CSMD1: variants seen among roughly 807,000 people sequenced by gnomAD.
The protein encoded by CSMD1 is CUB and sushi domain-containing protein 1.
Under a neutral mutation model 417.5 loss-of-function variants are expected in CSMD1, and 213 were observed. The observed-to-expected ratio is 0.51, with a 90% CI of 0.46 to 0.57. The LOEUF is 0.57. CSMD1 is among the 20% of genes least tolerant of loss of function. The pLI is 0.00. For synonymous variants in CSMD1, 2,862 were observed against 1,736.8 expected (o/e 1.65, Z -16.11); for missense variants, 6,923 against 4,529.7 (o/e 1.53, Z -15.17).
intron 5 of CSMD1, among the ~76,000 whole-genome samples, chr8:3,933,633 C>G (rs1417984497): frequency 6.6e-6 from 1 of 152,028 alleles, no homozygotes; most frequent in Non-Finnish European, 1.5e-5. Context: ...CTGTTAGTCT[C>G]TATATTGAAG....
chr8:4,193,318 C>T (rs1378107155), intron 3 of CSMD1, among the ~76,000 whole-genome samples: 3 of 152,004 alleles, frequency 2.0e-5, no homozygotes, highest in Non-Finnish European at 4.4e-5. Flanking sequence ...ACCTTGCTTT[C>T]AAAGAACGTC....
intron 25 of CSMD1, among the ~76,000 whole-genome samples, chr8:3,290,772 C>G (rs915931151): frequency 6.8e-6 from 1 of 147,726 alleles, no homozygotes; most frequent in Non-Finnish European, 1.5e-5. Context: ...CATCTGCCAA[C>G]AGGGACAATT....
chr8:4,357,979 A>G (rs963145142), intron 3 of CSMD1, among the ~76,000 whole-genome samples: 9 of 152,156 alleles, frequency 5.9e-5, no homozygotes, highest in Non-Finnish European at 1.2e-4. Flanking sequence ...TCAGTTTAAG[A>G]TGTATAATAA....
At chr8:3,829,428 T>C (rs568862194) in intron 5 of CSMD1, among the ~76,000 whole-genome samples, 4 of 152,240 alleles carry the variant, frequency 2.6e-5, no homozygotes, top group African/African-American at 9.6e-5. Context: ...GATAAGTCAA[T>C]ACCGGTTCCA....
At chr8:4,227,788 C>T (rs1801447995) in intron 3 of CSMD1, among the ~76,000 whole-genome samples, 2 of 150,726 alleles carry the variant, frequency 1.3e-5, no homozygotes, top group Admixed American at 1.3e-4. Flanking sequence ...AGGAGACACA[C>T]CCTCCATCCT....
chr8:3,910,437 T>C (rs1029351110), intron 5 of CSMD1, among the ~76,000 whole-genome samples: 3 of 152,160 alleles, frequency 2.0e-5, no homozygotes, highest in Non-Finnish European at 4.4e-5. Context: ...CTTCATAAAA[T>C]CACGAAATTT....
intron 40 of CSMD1, among the ~76,000 whole-genome samples, chr8:3,149,069 A>G (rs1477430236): frequency 6.6e-6 from 1 of 152,166 alleles, no homozygotes; most frequent in Non-Finnish European, 1.5e-5. Flanking sequence ...AAGATATTTC[A>G]TAAGTTATTT....
intron 12 of CSMD1, among the ~76,000 whole-genome samples, chr8:3,428,874 C>T (rs1435724314): frequency 6.6e-6 from 1 of 152,166 alleles, no homozygotes; most frequent in Non-Finnish European, 1.5e-5. Flanking sequence ...GAAAGAAATC[C>T]TGTCATTTGC....
chr8:3,837,089 C>T (rs1415610919), intron 5 of CSMD1, among the ~76,000 whole-genome samples: 3 of 151,004 alleles, frequency 2.0e-5, no homozygotes, highest in African/African-American at 7.3e-5. Flanking sequence ...AGGAAGAACG[C>T]TACCATTGAG....
chr8:2,975,997 A>T (rs2128935774), intron 55 of CSMD1, among the ~76,000 whole-genome samples: 1 of 152,304 alleles, frequency 6.6e-6, no homozygotes, highest in Middle Eastern at 3.4e-3. Context: ...AAACTAAACC[A>T]ATTTCTATGA....
Position 3,122,249 on chromosome 8 carries a change from A to C in CSMD1, c.6242-3662T>G, listed in dbSNP as rs369093019. On this transcript the variant is annotated intron_variant, in intron 41 of 69. Coordinates refer to ENST00000635120, the MANE Select transcript of CSMD1 (RefSeq NM_033225.6). The stretch of plus-strand genomic sequence containing the variant: ...TAAATGTATACAATTATAATTTGCC[A>C]ATTAAAAATGTTATTACTTTAAAAA... 3.2e-3 allele frequency among the ~76,000 whole-genome samples: 481 copies of C among 152,310 alleles called. 7 individuals carry two copies. Among genetic ancestry groups the C allele is most frequent in the South Asian group, 0.022 (104 of 4,824 alleles).
At chr8:4,229,530 C>T (rs1256602360) in intron 3 of CSMD1, among the ~76,000 whole-genome samples, 1 of 152,128 alleles carries the variant, frequency 6.6e-6, no homozygotes, top group East Asian at 1.9e-4. Flanking sequence ...CTTTTTTCCT[C>T]TTATTTCTCA....
At position 3,600,868 on chromosome 8, in the gene CSMD1, TAATTA is replaced by T. The variant is rs577052653; in HGVS notation, c.1098-14613_1098-14609del. On this transcript the variant is annotated intron_variant, in intron 8 of 69. Transcript: ENST00000635120. ...CAATATTGCAAACACAGTATTTTAT[TAATTA>T]AATAAATGATTTCAATACAATAAAA... 1.4e-3 allele frequency among the ~76,000 whole-genome samples: 220 copies of T among 152,324 alleles called. 1 individual carries two copies. The highest frequency in any genetic ancestry group is 5.0e-3 in the African/African-American group (206 of 41,564).
chr8:4,103,916 G>C (rs1265561119), intron 3 of CSMD1, among the ~76,000 whole-genome samples: 2 of 152,292 alleles, frequency 1.3e-5, no homozygotes, highest in Middle Eastern at 3.4e-3. Flanking sequence ...AGGCCAAACA[G>C]CTTTGTGCCT....
intron 11 of CSMD1, among the ~76,000 whole-genome samples, chr8:3,491,792 G>T (rs1406792465): frequency 6.6e-6 from 1 of 152,184 alleles, no homozygotes; most frequent in Non-Finnish European, 1.5e-5. Context: ...GATGCTACCC[G>T]GGGCAAGATT....
intron 10 of CSMD1, among the ~76,000 whole-genome samples, chr8:3,571,698 G>C (rs2116923789): frequency 6.6e-6 from 1 of 152,148 alleles, no homozygotes; most frequent in Admixed American, 6.5e-5. Context: ...CCCCATGCTT[G>C]AGGGTCTTGT....
chr8:3,308,742 T>G (rs1326490868), intron 23 of CSMD1, among the ~76,000 whole-genome samples: 2 of 148,606 alleles, frequency 1.3e-5, no homozygotes, highest in African/African-American at 5.0e-5. Context: ...GTTTTTTTTT[T>G]TTTTTTTTTT....
intron 2 of CSMD1, among the ~76,000 whole-genome samples, chr8:4,604,412 C>CGCGCGT (rs1402726778): frequency 2.2e-4 from 8 of 36,946 alleles, no homozygotes; most frequent in East Asian, 6.7e-4. Flanking sequence ...TGTGTGTGTG[C>CGCGCGT]GCGTGCGTAA....
intron 3 of CSMD1, among the ~76,000 whole-genome samples, chr8:4,197,362 T>C (rs1799398706): frequency 1.3e-5 from 2 of 152,220 alleles, no homozygotes; most frequent in African/African-American, 4.8e-5. Flanking sequence ...CAGACATTAT[T>C]GTGGGTGTGT....
Sources: gnomAD v4.1 joint callset for allele counts (sites outside exome capture counted in the v4.1 genomes callset) on GRCh38, gnomAD v4.1.1 for gene constraint, MANE v1.5 for transcripts, NCBI Gene and HGNC (gene_info 2026-07-23, HGNC 2026-07-21) for gene names.